Variants in CASZ1 observed in about 807,000 individuals in gnomAD.
CASZ1 encodes the protein castor zinc finger 1.
In CASZ1, 28 loss-of-function variants were observed where a neutral mutation model predicts 135.2. The observed-to-expected ratio is 0.21, with a 90% CI of 0.15 to 0.28. CASZ1 has a LOEUF of 0.28. Among genes scored for constraint, CASZ1 ranks in the 10% least tolerant of loss-of-function variants. The pLI, the probability that CASZ1 is intolerant of heterozygous loss-of-function variation, is 1.00. For missense variants in CASZ1, 2,161 were observed against 2,453.3 expected (o/e 0.88, Z 2.52); for synonymous variants, 1,068 against 1,073.4 (o/e 0.99, Z 0.10).
At chr1:10,691,873 C>A (rs1437066380) in intron 4 of CASZ1, among the ~76,000 whole-genome samples, 1 of 152,210 alleles carries the variant, frequency 6.6e-6, no homozygotes, top group East Asian at 1.9e-4. Flanking sequence ...CACCAGATGA[C>A]TCCTCCAGGA....
At chr1:10,660,787 A>C in intron 5 of CASZ1, 1 of 536,674 alleles carries the variant, frequency 1.9e-6, no homozygotes, top group Non-Finnish European at 3.3e-6. Context: ...AATTTCCTAA[A>C]TGTTCTGGCC....
chr1:10,677,895 T>G (rs1638279927), intron 4 of CASZ1, among the ~76,000 whole-genome samples: 1 of 152,178 alleles, frequency 6.6e-6, no homozygotes. Context: ...ACCTGCGGTG[T>G]GCGAGGCCTG....
intron 4 of CASZ1, among the ~76,000 whole-genome samples, chr1:10,685,582 A>T (rs1638559510): frequency 6.6e-6 from 1 of 152,236 alleles, no homozygotes; most frequent in Non-Finnish European, 1.5e-5. Context: ...GGAGCATGGC[A>T]CTGGAGAGAA....
chr1:10,705,872 G>T (rs1639160065), intron 2 of CASZ1, among the ~76,000 whole-genome samples: 1 of 152,390 alleles, frequency 6.6e-6, no homozygotes, highest in East Asian at 1.9e-4. Context: ...AGGAGGCCGG[G>T]AGTGGGGGTG....
rs1272408470 is a variant in CASZ1, at chr1:10,788,452, C to T, written c.-234+8112G>A. Among the ~76,000 whole-genome samples, 1 of 152,160 alleles carries T rather than the reference C, an allele frequency of 6.6e-6. No homozygotes were observed. The highest frequency in any genetic ancestry group is 2.4e-5 in the African/African-American group (1 of 41,436). ...CAGGGGGCCCTAGAGGGTCCTTAGACTGCATTTATAAGATCTGCGAAACCC... is the reference window on the plus strand; with the variant it reads ...CAGGGGGCCCTAGAGGGTCCTTAGATTGCATTTATAAGATCTGCGAAACCC... On this transcript the variant is annotated intron_variant, in intron 1 of 20. Transcript: ENST00000377022. This position sits in a 1 kb window ranked among gnomAD's most constrained non-coding sequence, Gnocchi z 4.1.
At chr1:10,718,457 C>A (rs1639434863) in intron 2 of CASZ1, among the ~76,000 whole-genome samples, 2 of 152,386 alleles carry the variant, frequency 1.3e-5, no homozygotes, top group African/African-American at 4.8e-5. Flanking sequence ...CCGCAGGACT[C>A]CCCCAGACTC....
rs1162979589 is a variant in CASZ1, at chr1:10,711,664, G to A, written c.-76-6120C>T. Among the ~76,000 whole-genome samples the A allele has an allele frequency of 6.6e-6, 1 of 152,044 alleles. No individual in the cohort carries two copies. Among genetic ancestry groups the A allele is most frequent in the Non-Finnish European group, 1.5e-5 (1 of 68,016 alleles). The stretch of plus-strand genomic sequence containing the variant: ...CAGCACTATTCACAGTAGTCAGATG[G>A]TAGATACAATTCAAGTGTCCATGGA... On this transcript the variant is annotated intron_variant, in intron 2 of 20. Transcript: ENST00000377022. This position sits in a 1 kb window ranked among gnomAD's most constrained non-coding sequence, Gnocchi z 4.4.
intron 11 of CASZ1, chr1:10,652,931 C>A (rs1642642728): frequency 4.7e-6 from 1 of 211,722 alleles, no homozygotes; most frequent in Non-Finnish European, 9.6e-6. Context: ...CTGGAGGTGT[C>A]CAGGTGTGAG....
intron 3 of CASZ1, among the ~76,000 whole-genome samples, chr1:10,702,744 G>A (rs953401826): frequency 6.6e-6 from 1 of 152,174 alleles, no homozygotes; most frequent in Non-Finnish European, 1.5e-5. Flanking sequence ...AAGTGGCCAC[G>A]GTGGCCTGGG....
chr1:10,653,957 C>G lies in CASZ1; in HGVS notation c.2100G>C (p.Ser700=), dbSNP rs200767755. The change falls in exon 11 of 21, where the codon TCG becomes TCC. Residue 700 remains serine, a synonymous_variant. Coordinates refer to ENST00000377022, the MANE Select transcript of CASZ1 (RefSeq NM_001079843.3). ...GCGAGGGCGGCAGCCCCAGCGCGCC[C>G]GAGGAGCGGATGTGCCGGCGCTCAT... ...RKHERRHIRS[S]GALGLPPSLL... 2.0e-5 allele frequency: 32 copies of G among 1,613,718 alleles called. No homozygotes were observed. The East Asian group carries it at 3.8e-4, about 19-fold the overall frequency.
rs534612468 is a variant in CASZ1, at chr1:10,692,428, G to A, written c.16+1446C>T. Among the ~76,000 whole-genome samples the A allele has an allele frequency of 3.3e-5, 5 of 152,276 alleles. No individual in the cohort carries two copies. The East Asian group carries it at 5.8e-4, about 18-fold the overall frequency. ...GCCCCATTTCCGAAGAAAGGGGGTG[G>A]GGCCTGAGAGGGAGGTGATGAGACA... On this transcript the variant is annotated intron_variant, in intron 4 of 20. Coordinates refer to ENST00000377022, the MANE Select transcript of CASZ1 (RefSeq NM_001079843.3).
At chr1:10,655,581 G>A (rs1642758525) in intron 9 of CASZ1, 68 bp downstream of exon 9, 1 of 1,445,430 alleles carries the variant, frequency 6.9e-7, no homozygotes, top group Admixed American at 2.0e-5. Flanking sequence ...CTGGGAGTGG[G>A]GGGCTCAGAG....
At chr1:10,789,066 G>A (rs149036105) in intron 1 of CASZ1, among the ~76,000 whole-genome samples, 225 of 152,224 alleles carry the variant, frequency 1.5e-3, no homozygotes, top group African/African-American at 5.1e-3. Flanking sequence ...ACCCCCACCT[G>A]GGCCTTCTCC....
chr1:10,752,947 G>C (rs1054232067), intron 2 of CASZ1, among the ~76,000 whole-genome samples: 1 of 152,180 alleles, frequency 6.6e-6, no homozygotes, highest in African/African-American at 2.4e-5. Context: ...TGAGGAAAGA[G>C]ACTCACTTGA....
Position 10,639,224 on chromosome 1 carries a change from G to T in CASZ1, c.4998C>A (p.Ala1666=). The change falls in exon 21 of 21, where the codon GCC becomes GCA. Residue 1666 remains alanine, a synonymous_variant. Transcript: ENST00000377022. The surrounding 1 kb of genome is among the most constrained non-coding windows in gnomAD (Gnocchi z 4.0). The part of the protein sequence containing the change: ...APGPREGAAA[A]AAAAGESSQE... ...GCGAGGACTCCCCAGCTGCGGCGGC[G>T]GCGGCGGCGGCGCCCTCGCGCGGCC... 1 of 920,806 alleles carries T rather than the reference G, an allele frequency of 1.1e-6. No individual in the cohort carries two copies. Among genetic ancestry groups the T allele is most frequent in the Non-Finnish European group, 1.3e-6 (1 of 770,412 alleles). 57.0% of individuals were successfully genotyped at this position (920,806 alleles called of 1,614,324 possible).
intron 2 of CASZ1, among the ~76,000 whole-genome samples, chr1:10,705,895 C>G (rs963406369): frequency 1.3e-5 from 2 of 152,246 alleles, no homozygotes; most frequent in Non-Finnish European, 2.9e-5. Flanking sequence ...GGTGAAGTGG[C>G]CTGCACGCTC....
In CASZ1 at chr1:10,660,157, CG is replaced by C; in HGVS notation, c.884del (p.Pro295ArgfsTer12). Reference sequence around the variant, plus strand: ...TCTGCATCTGGACACTGCTGTGCGACGGCAGGGGCAGGATGGTGGCCTTGGT... The same window carrying C: ...TCTGCATCTGGACACTGCTGTGCGACGCAGGGGCAGGATGGTGGCCTTGGT... ...LETKATILPL[P>X]SHSSVQMQNL... On this transcript the variant is annotated frameshift_variant, in exon 6 of 21. Transcript: ENST00000377022. LOFTEE classifies it high-confidence loss of function. 1 of 1,614,036 alleles carries C rather than the reference CG, an allele frequency of 6.2e-7. No individual in the cohort carries two copies. Among genetic ancestry groups the C allele is most frequent in the Non-Finnish European group, 8.5e-7 (1 of 1,179,978 alleles).
chr1:10,695,251 G>C (rs534906432), intron 3 of CASZ1, among the ~76,000 whole-genome samples: 1 of 151,884 alleles, frequency 6.6e-6, no homozygotes, highest in African/African-American at 2.4e-5. Context: ...CCCCAGGAGC[G>C]CCGGCCTGGG....
chr1:10,785,182 C>T (rs1275250674), intron 1 of CASZ1, among the ~76,000 whole-genome samples: 2 of 47,596 alleles, frequency 4.2e-5, no homozygotes, highest in African/African-American at 1.0e-4. Context: ...TCCTCCCTTC[C>T]TCTCATTCCT....
Sources: allele counts gnomAD v4.1 joint callset (sites outside exome capture counted in the v4.1 genomes callset), GRCh38; gene constraint gnomAD v4.1.1; non-coding constraint Gnocchi (gnomAD v3.1); transcripts MANE v1.5; gene names NCBI Gene and HGNC (gene_info 2026-07-23, HGNC 2026-07-21).